Variants in SLC5A12 observed in about 807,000 individuals in gnomAD.
SLC5A12 encodes sodium-coupled monocarboxylate transporter 2.
SLC5A12 carries 46 observed loss-of-function variants against 72.7 expected under a neutral mutation model. The observed-to-expected ratio is 0.63, with a 90% CI of 0.50 to 0.81. The LOEUF (loss-of-function observed/expected upper bound fraction) is 0.81, where lower values mean the gene tolerates loss of function less well. SLC5A12 is among the 30% of genes least tolerant of loss of function. SLC5A12 has a pLI of 0.00. For missense variants in SLC5A12, 683 were observed against 740.7 expected, an observed-to-expected ratio of 0.92 and a Z score of 0.90; for synonymous variants, 275 against 264.4, an observed-to-expected ratio of 1.04 and a Z score of -0.39.
Position 26,711,314 on chromosome 11 carries a change from G to A in SLC5A12, c.450C>T (p.Leu150=). Residue 150 remains leucine, a synonymous_variant, in exon 3 of 15, where the codon CTC becomes CTT. Transcript: ENST00000396005. ...AGAATGCTGATAACTCACCTTGATTGAGTGCCAGGGCAGGAGCATACACCA... is the reference window on the plus strand; with the variant it reads ...AGAATGCTGATAACTCACCTTGATTAAGTGCCAGGGCAGGAGCATACACCA... ...GVVVYAPALA[L]NQVTGFDLWG... 1 of 1,611,716 alleles carries A rather than the reference G, an allele frequency of 6.2e-7. No homozygotes were observed. The highest frequency in any genetic ancestry group is 8.5e-7 in the Non-Finnish European group (1 of 1,178,448).
intron 7 of SLC5A12, among the ~76,000 whole-genome samples, chr11:26,697,715 A>G (rs1003559220): frequency 6.6e-6 from 1 of 152,122 alleles, no homozygotes; most frequent in African/African-American, 2.4e-5. Context: ...AGAGGCAGGC[A>G]TTGTGGAAAT....
chr11:26,688,723 T>C (rs536166049), intron 9 of SLC5A12, among the ~76,000 whole-genome samples: 4 of 152,076 alleles, frequency 2.6e-5, no homozygotes, highest in East Asian at 1.9e-4. Context: ...GAAAACAAGA[T>C]GAAAAGAACA....
At position 26,675,658 on chromosome 11, in the gene SLC5A12, G is replaced by A. The variant is rs77467798; in HGVS notation, c.1580-2129C>T. On this transcript the variant is annotated intron_variant, in intron 13 of 14. Transcript: ENST00000396005. ...TGTCTCTAGATGTATAGTAACCTGG[G>A]GTGGTTTTGAGGAAAGTTCCCCTTC... Among the ~76,000 whole-genome samples the A allele has an allele frequency of 6.3e-3, 957 of 152,212 alleles. 10 individuals are homozygous for A. The highest frequency in any genetic ancestry group is 0.022 in the African/African-American group (920 of 41,532).
intron 4 of SLC5A12, among the ~76,000 whole-genome samples, chr11:26,705,571 A>C (rs930952615): frequency 3.9e-5 from 6 of 152,158 alleles, no homozygotes; most frequent in African/African-American, 1.4e-4. Flanking sequence ...AAAAATAGAC[A>C]TTAAAATACC....
chr11:26,676,030 A>C (rs1260694227), intron 13 of SLC5A12, among the ~76,000 whole-genome samples: 1 of 151,812 alleles, frequency 6.6e-6, no homozygotes, highest in Non-Finnish European at 1.5e-5. Context: ...GAGAGACTGA[A>C]ATAAGGTAGA....
chr11:26,710,641 C>T (rs1392496243), intron 3 of SLC5A12, among the ~76,000 whole-genome samples: 1 of 151,880 alleles, frequency 6.6e-6, no homozygotes, highest in Non-Finnish European at 1.5e-5. Flanking sequence ...ATTCCTGTTG[C>T]TTCTAAGATT....
At chr11:26,718,257 G>C (rs1855397414) in intron 1 of SLC5A12, among the ~76,000 whole-genome samples, 1 of 152,214 alleles carries the variant, frequency 6.6e-6, no homozygotes, top group Admixed American at 6.5e-5. Context: ...CTATTTGCCA[G>C]GCTCTGTTAA....
At chr11:26,683,924 G>C in intron 10 of SLC5A12, 81 bp from the exon 11 acceptor site, 1 of 1,107,768 alleles carries the variant, frequency 9.0e-7, no homozygotes, top group Non-Finnish European at 1.3e-6. Context: ...TCTTGGACCT[G>C]GGATAATATT....
At position 26,707,656 on chromosome 11, in the gene SLC5A12, C is replaced by A. The variant is rs567311150; in HGVS notation, c.525+1656G>T. Among the ~76,000 whole-genome samples the A allele has an allele frequency of 1.8e-4, 28 of 152,036 alleles. No homozygotes were observed. In the South Asian group the frequency reaches 5.2e-3, roughly 28 times the overall value. On this transcript the variant is annotated intron_variant, in intron 4 of 14. Transcript: ENST00000396005. ...GCTTACTCATCTTTGAAATTACATT[C>A]TTTATTTATTTCAGTTGTTTATGCA...
At position 26,712,680 on chromosome 11, in the gene SLC5A12, T is replaced by G. The variant is rs1426525293; in HGVS notation, c.366A>C (p.Pro122=). 6.3e-7 allele frequency: 1 copy of G among 1,590,282 alleles called. No homozygotes were observed. Among genetic ancestry groups the G allele is most frequent in the East Asian group, 2.2e-5 (1 of 44,520 alleles). The change falls in exon 2 of 15, where the codon CCA becomes CCC. Residue 122 remains proline (P), a synonymous_variant. Coordinates refer to ENST00000396005, the MANE Select transcript of SLC5A12 (RefSeq NM_178498.4). ...YEYLQLRFNK[P]VRYAATVIYI... ...AGATGACCGTGGCAGCATAGCGAAC[T>G]GGTTTGTTGAATCGTAGTTGTAAGT...
In SLC5A12 at chr11:26,682,346, G is replaced by A. The variant is rs138016283; in HGVS notation, c.1309-1125C>T. ...AGCTAGATTTGGCTTGAGGCATATC[G>A]TTTGCTGACCCCTGGCCTACCAGTA... On this transcript the variant is annotated intron_variant, in intron 11 of 14. Coordinates refer to ENST00000396005, the MANE Select transcript of SLC5A12 (RefSeq NM_178498.4). 7.6e-3 allele frequency among the ~76,000 whole-genome samples: 1,154 copies of A among 152,166 alleles called. 24 individuals carry two copies. Among genetic ancestry groups the A allele is most frequent in the African/African-American group, 0.026 (1,075 of 41,536 alleles).
intron 8 of SLC5A12, 87 bp downstream of exon 8, chr11:26,697,077 A>T: frequency 9.0e-7 from 1 of 1,108,554 alleles, no homozygotes; most frequent in Non-Finnish European, 1.3e-6. Flanking sequence ...ACACACAGTG[A>T]GTGCTTGCTA....
At chr11:26,707,733 G>A (rs918169957) in intron 4 of SLC5A12, among the ~76,000 whole-genome samples, 4 of 151,942 alleles carry the variant, frequency 2.6e-5, no homozygotes, top group African/African-American at 9.7e-5. Flanking sequence ...TTGTTCTTGA[G>A]AGGCTAAATC....
chr11:26,683,554 C>A (rs1482200888), intron 11 of SLC5A12, among the ~76,000 whole-genome samples: 2 of 152,200 alleles, frequency 1.3e-5, no homozygotes, highest in African/African-American at 4.8e-5. Flanking sequence ...CAGTTCATAA[C>A]TACCTCTGCT....
intron 4 of SLC5A12, 72 bp from the exon 5 acceptor site, chr11:26,704,019 G>T: frequency 6.7e-7 from 1 of 1,496,610 alleles, no homozygotes; most frequent in Admixed American, 1.8e-5. Context: ...AAGCCTCTCT[G>T]CTAATGCATG....
intron 6 of SLC5A12, 83 bp downstream of exon 6, chr11:26,703,438 ACACACACACC>A: frequency 1.5e-6 from 2 of 1,355,542 alleles, no homozygotes; most frequent in Non-Finnish European, 2.0e-6. Flanking sequence ...ACACACACAC[ACACACACACC>A]CCCCAAGAGG....
At chr11:26,680,408 T>TATATTCATATATATATATAC (rs1554990404) in intron 12 of SLC5A12, among the ~76,000 whole-genome samples, 1 of 80,184 alleles carries the variant, frequency 1.2e-5, no homozygotes, top group Non-Finnish European at 2.9e-5. Context: ...TATATATATA[T>TATATTCATATATATATATAC]ATTTCCTCAT....
chr11:26,721,336 G>A lies in SLC5A12; in HGVS notation c.339+40C>T, dbSNP rs182530427. ...TACCAGGTGCTATCATCAAGAGGAT[G>A]AGAAAAAAAAATTAGAGAAGAATGG... On this transcript the variant is annotated intron_variant, in intron 1 of 14. Coordinates refer to ENST00000396005, the MANE Select transcript of SLC5A12 (RefSeq NM_178498.4). 3.0e-4 allele frequency: 444 copies of A among 1,497,800 alleles called. 1 individual carries two copies. The highest frequency in any genetic ancestry group is 3.2e-5 in the Non-Finnish European group (35 of 1,107,574). 92.8% of individuals were successfully genotyped at this position (1,497,800 alleles called of 1,614,324 possible). A position where few individuals can be genotyped will look rare whatever the true frequency, so the allele number is the denominator to read the frequency against.
At chr11:26,703,447 C>CACACACA in intron 6 of SLC5A12, 84 bp downstream of exon 6, 1 of 822,420 alleles carries the variant, frequency 1.2e-6, no homozygotes, top group Non-Finnish European at 1.6e-6. Context: ...CACACACACA[C>CACACACA]CCCCCAAGAG....
Sources: gnomAD v4.1 joint callset for allele counts (sites outside exome capture counted in the v4.1 genomes callset) on GRCh38, gnomAD v4.1.1 for gene constraint, MANE v1.5 for transcripts, NCBI Gene and HGNC (gene_info 2026-07-23, HGNC 2026-07-21) for gene names.